CMIP: variants seen among roughly 807,000 people sequenced by gnomAD.
The protein encoded by CMIP is c-Maf inducing protein.
CMIP carries 13 observed loss-of-function variants against 97.3 expected under a neutral mutation model. That is an observed-to-expected ratio of 0.13 (90% CI 0.09 to 0.21). The LOEUF is 0.21. Ranked by LOEUF, CMIP falls within the 10% of genes least tolerant of loss-of-function variation. CMIP has a pLI of 1.00. For synonymous variants in CMIP, 538 were observed against 436.3 expected (o/e 1.23, Z -2.91); for missense variants, 847 against 1,024.9 (o/e 0.83, Z 2.37).
intron 1 of CMIP, among the ~76,000 whole-genome samples, chr16:81,569,830 G>T (rs991685763): frequency 1.3e-5 from 2 of 152,196 alleles, no homozygotes; most frequent in African/African-American, 4.8e-5. Context: ...CTGTAAAATG[G>T]GAGCAGTATT....
At chr16:81,610,657 C>A in intron 2 of CMIP, 1 of 404,286 alleles carries the variant, frequency 2.5e-6, no homozygotes, top group Non-Finnish European at 3.3e-6. Flanking sequence ...CACCCCCACA[C>A]TCTGCCCACC....
intron 10 of CMIP, among the ~76,000 whole-genome samples, chr16:81,680,918 T>A (rs1274882039): frequency 2.0e-5 from 3 of 152,232 alleles, no homozygotes. Context: ...CACTAAGGGT[T>A]TGAGTTTCAG....
intron 3 of CMIP, among the ~76,000 whole-genome samples, chr16:81,634,631 AG>A (rs1388074110): frequency 6.6e-6 from 1 of 152,194 alleles, no homozygotes; most frequent in Non-Finnish European, 1.5e-5. Flanking sequence ...CAGGGAGGGC[AG>A]GAGTGCGCCT....
chr16:81,514,337 G>A (rs2089870089), intron 1 of CMIP, among the ~76,000 whole-genome samples: 1 of 152,262 alleles, frequency 6.6e-6, no homozygotes, highest in South Asian at 2.1e-4. Context: ...GGTGAGGGAA[G>A]CTTCCAGAAG....
intron 1 of CMIP, among the ~76,000 whole-genome samples, chr16:81,589,524 G>T (rs1011216461): frequency 6.6e-6 from 1 of 151,142 alleles, no homozygotes; most frequent in Admixed American, 6.6e-5. Context: ...GTGCTTATGG[G>T]CAGGGCCAGG....
At chr16:81,624,864 G>A (rs939911772) in intron 3 of CMIP, among the ~76,000 whole-genome samples, 4 of 152,178 alleles carry the variant, frequency 2.6e-5, no homozygotes, top group Non-Finnish European at 4.4e-5. Flanking sequence ...ACGCTTTTCC[G>A]TCTGGGTAAC....
intron 1 of CMIP, among the ~76,000 whole-genome samples, chr16:81,567,256 G>C (rs978007204): frequency 7.5e-4 from 114 of 152,246 alleles, no homozygotes; most frequent in Non-Finnish European, 1.8e-4. Flanking sequence ...CTGCTCTCAG[G>C]GCAGCTGCAG....
chr16:81,498,480 T>A (rs1164130829), intron 1 of CMIP, among the ~76,000 whole-genome samples: 1 of 152,196 alleles, frequency 6.6e-6, no homozygotes, highest in Non-Finnish European at 1.5e-5. Flanking sequence ...CCACTCTGCC[T>A]CTGCCCAGTG....
At chr16:81,699,386 A>G (rs1000065161) in intron 14 of CMIP, among the ~76,000 whole-genome samples, 3 of 152,360 alleles carry the variant, frequency 2.0e-5, no homozygotes, top group Admixed American at 6.5e-5. Flanking sequence ...TGGGGCTTAT[A>G]GTTAAATCAG....
intron 1 of CMIP, among the ~76,000 whole-genome samples, chr16:81,601,056 A>C (rs1213206319): frequency 6.6e-6 from 1 of 152,070 alleles, no homozygotes; most frequent in African/African-American, 2.4e-5. Context: ...CCACGTAGGG[A>C]GAGAGGGGAC....
At chr16:81,475,391 C>A (rs1907841384) in intron 1 of CMIP, among the ~76,000 whole-genome samples, 1 of 152,208 alleles carries the variant, frequency 6.6e-6, no homozygotes, top group Non-Finnish European at 1.5e-5. Context: ...ATTTCAAACC[C>A]TTCCTTTTCT....
At chr16:81,567,416 G>T (rs1567584028) in intron 1 of CMIP, among the ~76,000 whole-genome samples, 1 of 152,322 alleles carries the variant, frequency 6.6e-6, no homozygotes, top group East Asian at 1.9e-4. Flanking sequence ...ACCTTCCCCG[G>T]GCCCAGGAGC....
chr16:81,706,184 C>T (rs3808613), intron 19 of CMIP, among the ~76,000 whole-genome samples: 71,765 of 152,192 alleles, frequency 0.47, 17,351 homozygotes, highest in East Asian at 0.6. Flanking sequence ...GCCCGGGATT[C>T]TGTATTTGAC....
intron 1 of CMIP, among the ~76,000 whole-genome samples, chr16:81,531,958 A>G (rs1446256620): frequency 1.3e-5 from 2 of 152,176 alleles, no homozygotes; most frequent in Non-Finnish European, 2.9e-5. Context: ...AAATGATTGC[A>G]CTGCACATAC....
intron 1 of CMIP, among the ~76,000 whole-genome samples, chr16:81,550,778 A>G (rs928820447): frequency 6.6e-6 from 1 of 151,890 alleles, no homozygotes; most frequent in African/African-American, 2.4e-5. Flanking sequence ...CAGCACATAG[A>G]TTCTCCTTAC....
chr16:81,604,159 C>T (rs1052029324), intron 1 of CMIP, among the ~76,000 whole-genome samples: 7 of 151,546 alleles, frequency 4.6e-5, no homozygotes, highest in South Asian at 2.1e-4. Context: ...TTTGGGAGGC[C>T]GAGGCAGGAG....
chr16:81,625,929 C>A (rs1453125088), intron 3 of CMIP, among the ~76,000 whole-genome samples: 1 of 152,232 alleles, frequency 6.6e-6, no homozygotes, highest in Non-Finnish European at 1.5e-5. Context: ...GAGCCGGGGA[C>A]CAATGAGCAG....
At chr16:81,570,684 C>T (rs2091072148) in intron 1 of CMIP, among the ~76,000 whole-genome samples, 1 of 152,146 alleles carries the variant, frequency 6.6e-6, no homozygotes, top group Non-Finnish European at 1.5e-5. Flanking sequence ...AAACGCGGTC[C>T]TGTTTGAACT....
intron 1 of CMIP, among the ~76,000 whole-genome samples, chr16:81,454,555 A>G (rs531172848): frequency 6.6e-6 from 1 of 152,378 alleles, no homozygotes; most frequent in South Asian, 2.1e-4. Context: ...AATGCCAGCT[A>G]TTCGTAAAGG....
Sources: allele counts gnomAD v4.1 joint callset (sites outside exome capture counted in the v4.1 genomes callset), GRCh38; gene constraint gnomAD v4.1.1; transcripts MANE v1.5; gene names NCBI Gene and HGNC (gene_info 2026-07-23, HGNC 2026-07-21).